The following POLR2B variants were observed in gnomAD, a reference collection of about 807,000 sequenced individuals.
POLR2B encodes the protein RNA polymerase II subunit B, also known as DNA-directed RNA polymerase II subunit RPB2.
POLR2B carries 57 observed loss-of-function variants against 144.6 expected under a neutral mutation model. The observed-to-expected ratio is 0.39, with a 90% CI of 0.32 to 0.49. POLR2B has a LOEUF of 0.49. Ranked by LOEUF, POLR2B falls within the 20% of genes least tolerant of loss-of-function variation. POLR2B has a pLI of 0.83. For synonymous variants in POLR2B, 442 were observed against 469.8 expected (o/e 0.94, Z 0.77); for missense variants, 595 against 1,467.4 (o/e 0.41, Z 9.71).
In POLR2B at chr4:56,999,641, C is replaced by T; in HGVS notation, c.760C>T (p.Gln254Ter). 6.2e-7 allele frequency: 1 copy of T among 1,611,086 alleles called. No homozygotes were observed. The highest frequency in any genetic ancestry group is 8.5e-7 in the Non-Finnish European group (1 of 1,178,322). Residue 254 changes from glutamine (Q) to a stop codon, truncating the protein, a stop_gained, in exon 7 of 25, where the codon CAG becomes TAG. Transcript: ENST00000314595. LOFTEE classifies it high-confidence loss of function. ...GQGAKKSAIG[Q>*]RIVATLPYIK... is the part of the protein sequence containing the mutation. ...GGGTGCCAAGAAGAGTGCTATTGGT[C>T]AGCGCATTGTGGCAACTCTACCATA... is the stretch of plus-strand genomic sequence containing the variant.
chr4:57,013,425 A>T (rs1031540216), intron 13 of POLR2B, among the ~76,000 whole-genome samples: 1 of 152,130 alleles, frequency 6.6e-6, no homozygotes, highest in Non-Finnish European at 1.5e-5. Flanking sequence ...TAATAGAGAG[A>T]TTAAAAAATC....
intron 2 of POLR2B, among the ~76,000 whole-genome samples, chr4:56,989,521 C>T (rs1159986338): frequency 1.3e-5 from 2 of 152,176 alleles, no homozygotes; most frequent in Non-Finnish European, 2.9e-5. Context: ...AATTTGTTGG[C>T]CTGTCACTGA....
In POLR2B at chr4:57,000,708, G is replaced by C. The variant is rs184438191; in HGVS notation, c.900+927G>C. ...CTTAGATACAATACTGTTTTTTTTG[G>C]GGGGGAGGATAGAGTCTCACTCCGT... On this transcript the variant is annotated intron_variant, in intron 7 of 24. Transcript: ENST00000314595. Among the ~76,000 whole-genome samples, 42 of 151,622 alleles carry C rather than the reference G, an allele frequency of 2.8e-4. No homozygotes were observed. The East Asian group carries it at 3.7e-3, about 13-fold the overall frequency.
intron 10 of POLR2B, among the ~76,000 whole-genome samples, chr4:57,008,385 G>C (rs1723088275): frequency 6.6e-6 from 1 of 152,014 alleles, no homozygotes; most frequent in Non-Finnish European, 1.5e-5. Context: ...TGTATTTTTA[G>C]TAGAGACGGG....
At chr4:56,993,787 T>G (rs2109660357) in intron 3 of POLR2B, among the ~76,000 whole-genome samples, 1 of 152,356 alleles carries the variant, frequency 6.6e-6, no homozygotes, top group African/African-American at 2.4e-5. Context: ...TCTACTCCTT[T>G]GACAGATTAA....
intron 17 of POLR2B, among the ~76,000 whole-genome samples, 177 bp downstream of exon 17, chr4:57,021,172 GT>G (rs200608548): frequency 0.069 from 10,563 of 152,170 alleles, 584 homozygotes; most frequent in East Asian, 0.21. Context: ...TCAAATGCTA[GT>G]ATTTTGAGCC....
At chr4:57,011,652 G>T (rs28561806) in intron 13 of POLR2B, among the ~76,000 whole-genome samples, 4,981 of 152,154 alleles carry the variant, frequency 0.033, 293 homozygotes, top group African/African-American at 0.11. Context: ...GTGAAACCCT[G>T]TCTCTACTAA....
rs17087357 is a variant in POLR2B, at chr4:56,983,217, A to G, written c.20-3137A>G. ...TGTGCTTCCGCTACATTGGCCTTCT[A>G]TCATTCTTTGAATATGCCATCCTGT... On this transcript the variant is annotated intron_variant, in intron 1 of 24. Coordinates refer to ENST00000314595, the MANE Select transcript of POLR2B (RefSeq NM_000938.3). Among the ~76,000 whole-genome samples, 211 of 152,274 alleles carry G rather than the reference A, an allele frequency of 1.4e-3. 2 individuals are homozygous for G. The East Asian group carries it at 0.033, about 24-fold the overall frequency.
rs556571049 is a variant in POLR2B, at chr4:56,983,453, A to G, written c.20-2901A>G. Among the ~76,000 whole-genome samples, 6 of 145,802 alleles carry G rather than the reference A, an allele frequency of 4.1e-5. No homozygotes were observed. The East Asian group carries it at 1.2e-3, about 29-fold the overall frequency. ...AGTGGTGTGATATCGGCTCACTGCA[A>G]CCTCTGCCTCCCAGGTTCAAGTGAT... On this transcript the variant is annotated intron_variant, in intron 1 of 24. Transcript: ENST00000314595.
At chr4:57,016,768 A>G (rs1165174087) in intron 14 of POLR2B, among the ~76,000 whole-genome samples, 1 of 149,524 alleles carries the variant, frequency 6.7e-6, no homozygotes, top group Non-Finnish European at 1.5e-5. Flanking sequence ...TCCAATGTAT[A>G]CTCTCTTCTT....
At chr4:57,001,921 A>G (rs909896229) in intron 7 of POLR2B, among the ~76,000 whole-genome samples, 2 of 152,224 alleles carry the variant, frequency 1.3e-5, no homozygotes, top group African/African-American at 4.8e-5. Context: ...CTTTGTCACA[A>G]AGTTAGAACA....
chr4:56,982,921 A>G (rs1578552764), intron 1 of POLR2B, among the ~76,000 whole-genome samples: 2 of 152,236 alleles, frequency 1.3e-5, no homozygotes, highest in Middle Eastern at 3.4e-3. Flanking sequence ...TTTCACCTCT[A>G]TATCTAATCA....
chr4:57,023,376 A>T lies in POLR2B; in HGVS notation c.2562A>T (p.Ile854=). The T allele has an allele frequency of 6.2e-7, 1 of 1,614,020 alleles. No homozygotes were observed. The highest frequency in any genetic ancestry group is 8.5e-7 in the Non-Finnish European group (1 of 1,179,892). ...ACAAGCTGGATGATGATGGTTTGAT[A>T]GCTCCAGGGGTTCGTGTATCAGGAG... ...IYDKLDDDGL[I]APGVRVSGDD... The change falls in exon 19 of 25, where the codon ATA becomes ATT. Residue 854 remains isoleucine (I), a synonymous_variant. Transcript: ENST00000314595. This position sits in a 1 kb window ranked among gnomAD's most constrained non-coding sequence, Gnocchi z 4.3.
intron 2 of POLR2B, 172 bp downstream of exon 2, chr4:56,986,598 A>G: frequency 2.1e-6 from 1 of 479,942 alleles, no homozygotes; most frequent in Admixed American, 3.9e-5. Flanking sequence ...AATTCATTTA[A>G]TCATTTTAAC....
chr4:56,988,302 C>G (rs933824591), intron 2 of POLR2B, among the ~76,000 whole-genome samples: 2 of 151,802 alleles, frequency 1.3e-5, no homozygotes, highest in Non-Finnish European at 2.9e-5. Context: ...AAAAGAGGAG[C>G]AGAAAAAGCT....
chr4:56,983,370 T>G (rs1401090302), intron 1 of POLR2B, among the ~76,000 whole-genome samples: 1 of 16,764 alleles, frequency 6.0e-5, no homozygotes, highest in Non-Finnish European at 1.8e-4. Flanking sequence ...CTGCTCAGGT[T>G]TTTTTTTTTT....
chr4:57,029,912 G>A (rs914867076), intron 23 of POLR2B, among the ~76,000 whole-genome samples: 4 of 152,006 alleles, frequency 2.6e-5, no homozygotes, highest in Admixed American at 2.6e-4. Flanking sequence ...TAGAGATGGG[G>A]TCTCGCCATG....
At chr4:56,999,444 C>T (rs543902725) in intron 6 of POLR2B, among the ~76,000 whole-genome samples, 173 bp from the exon 7 acceptor site, 9 of 151,892 alleles carry the variant, frequency 5.9e-5, no homozygotes, top group Admixed American at 5.9e-4. Context: ...AATTAGTATA[C>T]TTGTTTCGGT....
chr4:57,024,172 AG>A, intron 21 of POLR2B, 60 bp downstream of exon 21: 1 of 876,278 alleles, frequency 1.1e-6, no homozygotes, highest in Non-Finnish European at 1.8e-6. Flanking sequence ...AAACTCTGAT[AG>A]GTGATTGCTC....
Sources: gnomAD v4.1 joint callset for allele counts (sites outside exome capture counted in the v4.1 genomes callset) on GRCh38, gnomAD v4.1.1 for gene constraint, Gnocchi (gnomAD v3.1) non-coding constraint, MANE v1.5 for transcripts, NCBI Gene and HGNC (gene_info 2026-07-23, HGNC 2026-07-21) for gene names.